The following ADCY3 variants were observed in gnomAD, a reference collection of about 807,000 sequenced individuals.
ADCY3 encodes adenylate cyclase type 3.
In ADCY3, 70 loss-of-function variants were observed where a neutral mutation model predicts 119.4. The observed-to-expected ratio is 0.59, with a 90% CI of 0.48 to 0.72. The LOEUF is 0.72. Ranked by LOEUF, ADCY3 falls within the 30% of genes least tolerant of loss-of-function variation. ADCY3 has a pLI of 0.00. For synonymous variants in ADCY3, 672 were observed against 621.4 expected (o/e 1.08, Z -1.21); for missense variants, 1,238 against 1,541.6 (o/e 0.80, Z 3.30).
At chr2:24,828,254 C>T (rs1668905844) in intron 13 of ADCY3, 93 bp from the exon 14 acceptor site, 1 of 1,458,304 alleles carries the variant, frequency 6.9e-7, no homozygotes, top group Non-Finnish European at 9.3e-7. Context: ...CGCTCAGCTG[C>T]CACCTCCCGC....
intron 2 of ADCY3, among the ~76,000 whole-genome samples, chr2:24,888,161 A>G (rs1677284797): frequency 6.6e-6 from 1 of 152,194 alleles, no homozygotes; most frequent in Admixed American, 6.5e-5. Context: ...ACACATTCGG[A>G]ACATCAAAAA....
chr2:24,834,908 C>T lies in ADCY3; in HGVS notation c.1691G>A (p.Arg564His), dbSNP rs762961113. The T allele has an allele frequency of 2.8e-5, 45 of 1,613,500 alleles. No individual in the cohort carries two copies. The East Asian group carries it at 3.3e-4, about 12-fold the overall frequency. The change falls in exon 10 of 22, where the codon CGC becomes CAC. Residue 564 changes from arginine to histidine, a missense_variant. By Grantham distance (29) the Arg-to-His change is conservative. Around this residue, in one of 7 missense-constraint regions of ADCY3, gnomAD observed 499 missense variants for 571.0 expected, o/e 0.87. Coordinates refer to ENST00000679454, the MANE Select transcript of ADCY3 (RefSeq NM_004036.5). The surrounding 1 kb of genome is among the most constrained non-coding windows in gnomAD (Gnocchi z 4.2). ...QADNPSFPNP[R>H]RRLRLQDLAD... Reference sequence around the variant, plus strand: ...CAGGTCCTGCAGGCGCAGCCTCCGGCGTGGGTTGGGGAATGAGGGGTTGTC... The same window carrying T: ...CAGGTCCTGCAGGCGCAGCCTCCGGTGTGGGTTGGGGAATGAGGGGTTGTC...
intron 3 of ADCY3, among the ~76,000 whole-genome samples, chr2:24,853,782 G>A (rs886398111): frequency 3.9e-5 from 6 of 151,982 alleles, no homozygotes; most frequent in Admixed American, 3.3e-4. Context: ...CACCGTACCC[G>A]GCCAGTGAGC....
Position 24,841,259 on chromosome 2 carries a change from G to T in ADCY3, c.1196C>A (p.Ser399Ter). 6.4e-7 allele frequency: 1 copy of T among 1,557,142 alleles called. No individual in the cohort carries two copies. Among genetic ancestry groups the T allele is most frequent in the Non-Finnish European group, 8.7e-7 (1 of 1,150,814 alleles). Residue 399 changes from serine (S) to a stop codon, truncating the protein, a stop_gained and splice_region_variant, in exon 6 of 22, where the codon TCG (serine) becomes TAG (stop). Transcript: ENST00000679454. LOFTEE classifies it high-confidence loss of function. This position sits in a 1 kb window ranked among gnomAD's most constrained non-coding sequence, Gnocchi z 5.8. The stretch of plus-strand genomic sequence containing the variant: ...TCCCTCCCAGAGGCATCCCACTTAC[G>T]AGATGGCCTCCACCATGGCCAGCCC... ...LMGLAMVEAI[S>*]YVREKTKTGV...
chr2:24,918,337 G>A lies in ADCY3; in HGVS notation c.651C>T (p.Leu217=), dbSNP rs778719938. 6.3e-7 allele frequency: 1 copy of A among 1,588,986 alleles called. No homozygotes were observed. The highest frequency in any genetic ancestry group is 8.6e-7 in the Non-Finnish European group (1 of 1,166,984). The change falls in exon 2 of 22, where the codon CTC becomes CTT. Residue 217 remains leucine, a synonymous_variant. Transcript: ENST00000679454. The surrounding 1 kb of genome is among the most constrained non-coding windows in gnomAD (Gnocchi z 5.4). ...CCTCCCGCAGCAGCTGCATCCCCTTGAGCTCCTCCTGCTGCTGCTGGGCCA... is the reference window on the plus strand; with the variant it reads ...CCTCCCGCAGCAGCTGCATCCCCTTAAGCTCCTCCTGCTGCTGCTGGGCCA... ...VTVAQQQQEE[L]KGMQLLREIL...
At chr2:24,916,796 G>C (rs2149088273) in intron 2 of ADCY3, among the ~76,000 whole-genome samples, 1 of 152,304 alleles carries the variant, frequency 6.6e-6, no homozygotes, top group East Asian at 1.9e-4. Context: ...TTGGGGTGGG[G>C]ACGGCAGGGC....
intron 2 of ADCY3, among the ~76,000 whole-genome samples, chr2:24,900,723 A>C (rs1678809163): frequency 6.6e-6 from 1 of 152,182 alleles, no homozygotes; most frequent in Non-Finnish European, 1.5e-5. Flanking sequence ...CAAACACTGG[A>C]AGGGCTGCTG....
At chr2:24,910,418 T>C (rs1663443837) in intron 2 of ADCY3, among the ~76,000 whole-genome samples, 1 of 152,106 alleles carries the variant, frequency 6.6e-6, no homozygotes. Context: ...TTTAAACTGT[T>C]ACTCTTTTAA....
intron 2 of ADCY3, among the ~76,000 whole-genome samples, chr2:24,883,120 C>T (rs999879492): frequency 4.6e-5 from 7 of 151,352 alleles, no homozygotes; most frequent in Admixed American, 2.6e-4. Context: ...GAGGCAGAGG[C>T]GGGCAGATCA....
At chr2:24,833,367 T>C (rs1669861414) in intron 11 of ADCY3, among the ~76,000 whole-genome samples, 1 of 152,136 alleles carries the variant, frequency 6.6e-6, no homozygotes, top group Admixed American at 6.5e-5. Context: ...AGCACCTCTA[T>C]CCGAAGCAGG....
rs1469034001 is a variant in ADCY3 at position 24,823,245 on chromosome 2, C to T, written c.2847G>A (p.Leu949=). The T allele has an allele frequency of 6.2e-7, 1 of 1,613,398 alleles. No individual in the cohort carries two copies. The highest frequency in any genetic ancestry group is 1.1e-5 in the South Asian group (1 of 91,010). Residue 949 remains leucine, a synonymous_variant, in exon 18 of 22, where the codon CTG becomes CTA. Transcript: ENST00000679454. ...ESINNGGIEC[L]RFLNEIISDF... ...CTGAGATGATTTCATTGAGGAAACG[C>T]AGACACTCAATACCACCATTGTTGA... is the stretch of plus-strand genomic sequence containing the variant.
At chr2:24,849,315 T>C (rs1672021540) in intron 3 of ADCY3, among the ~76,000 whole-genome samples, 2 of 151,960 alleles carry the variant, frequency 1.3e-5, no homozygotes, top group Non-Finnish European at 1.5e-5. Flanking sequence ...CTGAGCCTCC[T>C]CCCGGTATGG....
chr2:24,896,256 GCA>G (rs1186448531), intron 2 of ADCY3, among the ~76,000 whole-genome samples: 1 of 152,028 alleles, frequency 6.6e-6, no homozygotes, highest in East Asian at 1.9e-4. Flanking sequence ...ATGGTGGCAT[GCA>G]CCTGTAATCC....
At chr2:24,862,964 G>A (rs1372176842) in intron 3 of ADCY3, among the ~76,000 whole-genome samples, 2 of 152,092 alleles carry the variant, frequency 1.3e-5, no homozygotes, top group Non-Finnish European at 2.9e-5. Context: ...CATAGGAGAG[G>A]GGCAGAGACT....
intron 3 of ADCY3, among the ~76,000 whole-genome samples, chr2:24,861,573 T>C (rs546011167): frequency 1.4e-3 from 216 of 152,312 alleles, no homozygotes; most frequent in African/African-American, 4.9e-3. Flanking sequence ...ATCTCATTTT[T>C]ATTCTCATGA....
At position 24,828,117 on chromosome 2, in the gene ADCY3, TGC is replaced by T. The variant is rs1201096249; in HGVS notation, c.2215_2216del (p.Ala739ArgfsTer61). 6.2e-7 allele frequency: 1 copy of T among 1,614,108 alleles called. No homozygotes were observed. Among genetic ancestry groups the T allele is most frequent in the South Asian group, 1.1e-5 (1 of 91,062 alleles). Reference sequence around the variant, plus strand: ...GGCAGCTGCCCTCCGTTTCCATCCCTGCCGTTGCATTGCTGGGTCCCGTGTAG... The same window carrying T: ...GGCAGCTGCCCTCCGTTTCCATCCCTCGTTGCATTGCTGGGTCCCGTGTAG... ...QYYTGPSNATAGMETEGSCLE... is the reference protein window; with the variant it reads ...QYYTGPSNATXGMETEGSCLE... On this transcript the variant is annotated frameshift_variant, in exon 14 of 22. Transcript: ENST00000679454. LOFTEE classifies it high-confidence loss of function.
Position 24,830,775 on chromosome 2 carries a change from G to A in ADCY3, c.2106C>T (p.Arg702=). 6.2e-7 allele frequency: 1 copy of A among 1,614,138 alleles called. No individual in the cohort carries two copies. The highest frequency in any genetic ancestry group is 1.3e-5 in the African/African-American group (1 of 75,052). Residue 702 remains arginine, a synonymous_variant, in exon 13 of 22, where the codon CGC becomes CGT. Transcript: ENST00000679454. Reference sequence around the variant, plus strand: ...GCATGGCCCAGGTGTTCCTGGCCCAGCGGGTCCGGTCAATCCAAGTTGAGA... The same window carrying A: ...GCATGGCCCAGGTGTTCCTGGCCCAACGGGTCCGGTCAATCCAAGTTGAGA... ...VAFSTWIDRT[R]WARNTWAMLA... is the part of the protein sequence containing the mutation.
rs751217943 is a variant in ADCY3, at chr2:24,834,496, G to A, written c.1956C>T (p.Leu652=). Residue 652 remains leucine (L), a synonymous_variant, in exon 11 of 22, where the codon CTC becomes CTT. Transcript: ENST00000679454. The surrounding 1 kb of genome is among the most constrained non-coding windows in gnomAD (Gnocchi z 4.2). ...VLLCTALVEI[L]IDPWLMTNYV... is the part of the protein sequence containing the mutation. The stretch of plus-strand genomic sequence containing the variant: ...GGCCCCTCCCTCACCAGGGGTCGAT[G>A]AGTATCTCGACCAGGGCCGTGCAGA... The A allele has an allele frequency of 1.9e-5, 31 of 1,607,636 alleles. 1 individual carries two copies. In the South Asian group the frequency reaches 2.6e-4, roughly 14 times the overall value.
chr2:24,855,244 T>G (rs1257241688), intron 3 of ADCY3, among the ~76,000 whole-genome samples: 4 of 150,682 alleles, frequency 2.7e-5, no homozygotes, highest in Non-Finnish European at 5.9e-5. Context: ...GGAAAGCTGC[T>G]ATGTAGAAAA....
Sources: gnomAD v4.1 joint callset for allele counts (sites outside exome capture counted in the v4.1 genomes callset) on GRCh38, gnomAD v4.1.1 for gene constraint, gnomAD v4.1.1 regional missense constraint, Gnocchi (gnomAD v3.1) non-coding constraint, MANE v1.5 for transcripts, NCBI Gene and HGNC (gene_info 2026-07-23, HGNC 2026-07-21) for gene names.